The following COL5A1 variants were observed in gnomAD, a reference collection of about 807,000 sequenced individuals.
COL5A1 encodes collagen type V alpha 1 chain.
COL5A1 carries 16 observed loss-of-function variants against 263.7 expected under a neutral mutation model. That is an observed-to-expected ratio of 0.06 (90% CI 0.04 to 0.09). The LOEUF is 0.09. COL5A1 is among the 10% of genes least tolerant of loss of function. The pLI is 1.00. For missense variants in COL5A1, 2,036 were observed against 2,540.5 expected (o/e 0.80, Z 4.27); for synonymous variants, 1,012 against 1,004.5 (o/e 1.01, Z -0.14).
At position 134,768,461 on chromosome 9, in the gene COL5A1, C is replaced by A. The variant is rs202175001; in HGVS notation, c.2284C>A (p.Pro762Thr). 3.1e-6 allele frequency: 5 copies of A among 1,613,962 alleles called. No homozygotes were observed. The highest frequency in any genetic ancestry group is 2.5e-6 in the Non-Finnish European group (3 of 1,179,952). Residue 762 changes from proline to threonine, a missense_variant and splice_region_variant, in exon 25 of 66, where the codon CCG (proline) becomes ACG (threonine). By Grantham distance (38) the Pro-to-Thr change is conservative. Around this residue, in one of 3 missense-constraint regions of COL5A1, gnomAD observed 1,078 missense variants for 1,521.4 expected, o/e 0.71. Coordinates refer to ENST00000371817, the MANE Select transcript of COL5A1 (RefSeq NM_000093.5). ...AGGAATGCCCGGTGCTGACGGACCC[C>A]CGGTGAGTAGCCCTGCCCACCTCAT... ...LPGMPGADGP[P>T]GHPGKEGPPG...
At chr9:134,774,253 C>G (rs1836971133) in intron 26 of COL5A1, among the ~76,000 whole-genome samples, 2 of 152,224 alleles carry the variant, frequency 1.3e-5, no homozygotes, top group South Asian at 4.1e-4. Context: ...AGGAGGCCAC[C>G]AAGCCCATCC....
At chr9:134,756,901 TATGTGATGACTACGATTATG>T in intron 17 of COL5A1, 83 bp downstream of exon 17, 1 of 1,329,604 alleles carries the variant, frequency 7.5e-7, no homozygotes. Context: ...AAATGCTGGT[TATGTGATGACTACGATTATG>T]ATGACAGGTG....
chr9:134,773,354 A>G (rs935570095), intron 26 of COL5A1, among the ~76,000 whole-genome samples: 2 of 151,906 alleles, frequency 1.3e-5, no homozygotes, highest in Non-Finnish European at 2.9e-5. Flanking sequence ...CCTTCTCTCC[A>G]CTGCGATTCA....
At chr9:134,695,479 G>T (rs552990241) in intron 2 of COL5A1, among the ~76,000 whole-genome samples, 3 of 152,358 alleles carry the variant, frequency 2.0e-5, no homozygotes, top group East Asian at 1.9e-4. Context: ...GCCGAACAGG[G>T]TGCCAGCTGC....
intron 34 of COL5A1, 150 bp from the exon 35 acceptor site, chr9:134,796,224 C>T: frequency 2.4e-6 from 2 of 832,456 alleles, no homozygotes; most frequent in Non-Finnish European, 4.2e-6. Flanking sequence ...AGCGCCAATG[C>T]CTTCTGCCCC....
intron 1 of COL5A1, among the ~76,000 whole-genome samples, chr9:134,663,995 G>C (rs1422935804): frequency 6.6e-6 from 1 of 152,228 alleles, no homozygotes; most frequent in Non-Finnish European, 1.5e-5. Context: ...TGGGCAAGCA[G>C]CAGACCCCCT....
At chr9:134,833,342 C>T (rs1179129437) in intron 64 of COL5A1, among the ~76,000 whole-genome samples, 1 of 152,230 alleles carries the variant, frequency 6.6e-6, no homozygotes, top group Non-Finnish European at 1.5e-5. Context: ...CTGAGCAGCC[C>T]AGTCCTGGAT....
At chr9:134,645,275 C>T (rs761038188) in intron 1 of COL5A1, among the ~76,000 whole-genome samples, 4 of 152,250 alleles carry the variant, frequency 2.6e-5, no homozygotes, top group Admixed American at 2.0e-4. Flanking sequence ...ACGCCTCAGC[C>T]GAACACAGCT....
rs1271404398 is a variant in COL5A1, at chr9:134,716,671, G to A, written c.655-10595G>A. On this transcript the variant is annotated intron_variant, in intron 4 of 65. Coordinates refer to ENST00000371817, the MANE Select transcript of COL5A1 (RefSeq NM_000093.5). The surrounding 1 kb of genome is among the most constrained non-coding windows in gnomAD (Gnocchi z 4.5). ...GGTCTAGAGATGAGGCCCCCTCTCC[G>A]AGTTTGCTGAGCTGACCCTTCAGTC... Among the ~76,000 whole-genome samples, 6 of 152,156 alleles carry A rather than the reference G, an allele frequency of 3.9e-5. No individual in the cohort carries two copies. The highest frequency in any genetic ancestry group is 9.7e-5 in the African/African-American group (4 of 41,444).
chr9:134,767,016 C>G lies in COL5A1; in HGVS notation c.2150C>G (p.Pro717Arg). 1 of 1,613,738 alleles carries G rather than the reference C, an allele frequency of 6.2e-7. No individual in the cohort carries two copies. Among genetic ancestry groups the G allele is most frequent in the African/African-American group, 1.3e-5 (1 of 75,036 alleles). Reference sequence around the variant, plus strand: ...CTCCTGTAGGGTCCCCAGGGAGAGCCTGGCCCCCCAGGACAGCAGGGTAAT... The same window carrying G: ...CTCCTGTAGGGTCCCCAGGGAGAGCGTGGCCCCCCAGGACAGCAGGGTAAT... ...PKGNVGPQGEPGPPGQQGNPG... is the reference protein window; with the variant it reads ...PKGNVGPQGERGPPGQQGNPG... Residue 717 changes from proline (P) to arginine (R), a missense_variant, in exon 23 of 66, where the codon CCT (proline) becomes CGT (arginine). Pro to Arg is a moderately radical substitution (Grantham distance 103, BLOSUM62 -2). This residue lies in a region of COL5A1 where 1,078 missense variants were observed against 1,521.4 expected (regional missense o/e 0.71). Transcript: ENST00000371817.
At chr9:134,729,887 T>C (rs1273475282) in intron 6 of COL5A1, among the ~76,000 whole-genome samples, 1 of 152,216 alleles carries the variant, frequency 6.6e-6, no homozygotes, top group East Asian at 1.9e-4. Context: ...GGTGACCTGG[T>C]CATCTCACAT....
At chr9:134,684,328 G>T (rs1392866022) in intron 1 of COL5A1, among the ~76,000 whole-genome samples, 1 of 152,192 alleles carries the variant, frequency 6.6e-6, no homozygotes, top group African/African-American at 2.4e-5. Flanking sequence ...AGCCCCCCAG[G>T]TCTCGGGGGG....
chr9:134,830,321 C>A (rs1208213122), intron 64 of COL5A1: 2 of 833,308 alleles, frequency 2.4e-6, no homozygotes, highest in East Asian at 5.3e-5. Flanking sequence ...CAAGACTCAG[C>A]TAGGTGTGGA....
chr9:134,643,980 G>A (rs988950155), intron 1 of COL5A1, among the ~76,000 whole-genome samples: 1 of 152,150 alleles, frequency 6.6e-6, no homozygotes, highest in Non-Finnish European at 1.5e-5. Flanking sequence ...GCTAATCGAA[G>A]TGCGGCTCGT....
rs1003861570 is a variant in COL5A1, at chr9:134,818,152, G to A, written c.4230+321G>A. Among the ~76,000 whole-genome samples, 10 of 152,174 alleles carry A rather than the reference G, an allele frequency of 6.6e-5. No homozygotes were observed. Among genetic ancestry groups the A allele is most frequent in the East Asian group, 1.9e-4 (1 of 5,182 alleles). ...CGACCTCATGCCTGGTCTTTGAGTC[G>A]GCCAGACCTGAGCCGCCTACCTCTG... On this transcript the variant is annotated intron_variant, in intron 54 of 65. Transcript: ENST00000371817. The surrounding 1 kb of genome is among the most constrained non-coding windows in gnomAD (Gnocchi z 6.0).
At position 134,696,813 on chromosome 9, in the gene COL5A1, G is replaced by C. The variant is rs1218617056; in HGVS notation, c.278-3096G>C. ...TGGCCGGGCGGGGTGGCTCACACCT[G>C]TAATCCCAGCACTTTGGGAGGCCAA... is the stretch of plus-strand genomic sequence containing the variant. On this transcript the variant is annotated intron_variant, in intron 2 of 65. Coordinates refer to ENST00000371817, the MANE Select transcript of COL5A1 (RefSeq NM_000093.5). This position sits in a 1 kb window ranked among gnomAD's most constrained non-coding sequence, Gnocchi z 4.3. 6.6e-6 allele frequency among the ~76,000 whole-genome samples: 1 copy of C among 152,158 alleles called. No homozygotes were observed. The highest frequency in any genetic ancestry group is 6.5e-5 in the Admixed American group (1 of 15,276).
chr9:134,816,391 G>A (rs556630202), intron 52 of COL5A1, among the ~76,000 whole-genome samples: 2 of 152,230 alleles, frequency 1.3e-5, no homozygotes, highest in African/African-American at 4.8e-5. Flanking sequence ...GACGCTTGGC[G>A]TTGAGTGTTT....
At chr9:134,692,359 G>C (rs972867533) in intron 2 of COL5A1, among the ~76,000 whole-genome samples, 1 of 152,282 alleles carries the variant, frequency 6.6e-6, no homozygotes, top group African/African-American at 2.4e-5. Flanking sequence ...CAGCGGTTTC[G>C]TTTCTCCAGG....
intron 4 of COL5A1, among the ~76,000 whole-genome samples, chr9:134,710,265 C>T (rs1458793876): frequency 6.6e-6 from 1 of 152,196 alleles, no homozygotes; most frequent in South Asian, 2.1e-4. Context: ...CTCCTGCCCG[C>T]GCGAGACGGT....
Sources: gnomAD v4.1 joint callset for allele counts (sites outside exome capture counted in the v4.1 genomes callset) on GRCh38, gnomAD v4.1.1 for gene constraint, gnomAD v4.1.1 regional missense constraint, Gnocchi (gnomAD v3.1) non-coding constraint, MANE v1.5 for transcripts, NCBI Gene and HGNC (gene_info 2026-07-23, HGNC 2026-07-21) for gene names.